PDZRN4: variants seen among roughly 807,000 people sequenced by gnomAD.
PDZRN4 encodes PDZ domain containing ring finger 4.
A neutral mutation model predicts 99.0 loss-of-function variants in PDZRN4; 70 were observed. The ratio of observed to expected loss-of-function variants is 0.71; its 90% CI spans 0.58 to 0.86. The LOEUF is 0.86. PDZRN4 is among the 40% of genes least tolerant of loss of function. The pLI is 0.00. For synonymous variants in PDZRN4, 551 were observed against 501.6 expected (o/e 1.10, Z -1.32); for missense variants, 1,474 against 1,331.2 (o/e 1.11, Z -1.67).
chr12:41,547,409 T>G (rs1938974111), intron 5 of PDZRN4, among the ~76,000 whole-genome samples: 1 of 152,116 alleles, frequency 6.6e-6, no homozygotes. Flanking sequence ...GCAGATCACT[T>G]GAGGTCAGGA....
At position 41,573,944 on chromosome 12, in the gene PDZRN4, T is replaced by A. The variant is rs1939533586; in HGVS notation, c.*54T>A. Reference sequence around the variant, plus strand: ...TTTAGGAGGATGCTACCAGTTTCGGTAGAGTATGATTGCCTCGTTCAATGT... The same window carrying A: ...TTTAGGAGGATGCTACCAGTTTCGGAAGAGTATGATTGCCTCGTTCAATGT... On this transcript the variant is annotated 3_prime_UTR_variant, in exon 10 of 10. Coordinates refer to ENST00000402685, the MANE Select transcript of PDZRN4 (RefSeq NM_001164595.2). 7.8e-7 allele frequency: 1 copy of A among 1,275,582 alleles called. No individual in the cohort carries two copies. The highest frequency in any genetic ancestry group is 1.7e-5 in the South Asian group (1 of 59,514). The allele number at this position is 1,275,582 out of a possible 1,614,324, so 79.0% of individuals were successfully genotyped here.
At chr12:41,434,706 A>T (rs1400370443) in intron 3 of PDZRN4, among the ~76,000 whole-genome samples, 1 of 152,234 alleles carries the variant, frequency 6.6e-6, no homozygotes, top group Non-Finnish European at 1.5e-5. Context: ...AAAGGCATTT[A>T]AAATAAGTAA....
At chr12:41,361,098 T>C (rs1951961155) in intron 3 of PDZRN4, among the ~76,000 whole-genome samples, 1 of 152,052 alleles carries the variant, frequency 6.6e-6, no homozygotes. Flanking sequence ...TGGATTTCCT[T>C]ATTTAGTGTG....
At chr12:41,397,486 T>G (rs1405428550) in intron 3 of PDZRN4, among the ~76,000 whole-genome samples, 1 of 152,176 alleles carries the variant, frequency 6.6e-6, no homozygotes, top group Non-Finnish European at 1.5e-5. Flanking sequence ...CTTATTAACT[T>G]GCACTAAATT....
intron 5 of PDZRN4, among the ~76,000 whole-genome samples, chr12:41,518,815 G>A (rs1479876765): frequency 2.6e-5 from 4 of 151,994 alleles, no homozygotes; most frequent in Admixed American, 2.6e-4. Flanking sequence ...TGGGCATGGT[G>A]GCATGCATCT....
intron 3 of PDZRN4, among the ~76,000 whole-genome samples, chr12:41,256,116 C>G (rs1951203143): frequency 1.3e-5 from 2 of 152,098 alleles, no homozygotes; most frequent in South Asian, 2.1e-4. Flanking sequence ...AATGCATTGA[C>G]AGGCAAATGT....
At chr12:41,405,195 A>G (rs1225687091) in intron 3 of PDZRN4, among the ~76,000 whole-genome samples, 1 of 152,168 alleles carries the variant, frequency 6.6e-6, no homozygotes, top group Non-Finnish European at 1.5e-5. Context: ...AATATTCACA[A>G]ACTATGCATC....
rs1046418818 is a variant in PDZRN4, at chr12:41,189,053, A to G, written c.598A>G (p.Met200Val). ...RRYQEKFTQY[M>V]AHVRNFVGDL... is the part of the protein sequence containing the mutation. The stretch of plus-strand genomic sequence containing the variant: ...GTACCAGGAGAAGTTCACCCAATAC[A>G]TGGCTCACGTCCGCAACTTCGTCGG... Residue 200 changes from methionine (M) to valine (V), a missense_variant, in exon 1 of 10, where the codon ATG becomes GTG. Transcript: ENST00000402685. 3.2e-6 allele frequency: 5 copies of G among 1,577,714 alleles called. No homozygotes were observed. The highest frequency in any genetic ancestry group is 1.3e-5 in the African/African-American group (1 of 74,352).
chr12:41,440,742 C>T (rs1315089655), intron 3 of PDZRN4, among the ~76,000 whole-genome samples: 2 of 152,152 alleles, frequency 1.3e-5, no homozygotes, highest in African/African-American at 4.8e-5. Context: ...GGTTTCCATG[C>T]ATCTTTATGC....
At chr12:41,275,614 T>A (rs115608930) in intron 3 of PDZRN4, among the ~76,000 whole-genome samples, 382 of 152,196 alleles carry the variant, frequency 2.5e-3, no homozygotes, top group African/African-American at 8.9e-3. Context: ...TTGGTGTAAT[T>A]TTTATTTATC....
chr12:41,358,439 G>A (rs1229714805), intron 3 of PDZRN4, among the ~76,000 whole-genome samples: 2 of 151,912 alleles, frequency 1.3e-5, no homozygotes, highest in African/African-American at 4.8e-5. Context: ...AATTTTCAAT[G>A]TGTCAAGAAA....
intron 3 of PDZRN4, among the ~76,000 whole-genome samples, chr12:41,469,786 C>T (rs2730826): frequency 0.18 from 27,034 of 151,850 alleles, 2,589 homozygotes; most frequent in Non-Finnish European, 0.21. Flanking sequence ...AAAAATTAGC[C>T]GGGCGTGGTG....
At chr12:41,405,737 T>C (rs1952342831) in intron 3 of PDZRN4, among the ~76,000 whole-genome samples, 1 of 152,150 alleles carries the variant, frequency 6.6e-6, no homozygotes, top group South Asian at 2.1e-4. Flanking sequence ...GAAAATGTGG[T>C]ACCTATACAC....
At chr12:41,565,546 C>T (rs1340857522) in intron 8 of PDZRN4, among the ~76,000 whole-genome samples, 3 of 146,022 alleles carry the variant, frequency 2.1e-5, no homozygotes, top group Non-Finnish European at 3.0e-5. Context: ...GTATTTTATT[C>T]GGGGAGAATG....
chr12:41,352,879 G>T (rs1951901688), intron 3 of PDZRN4, among the ~76,000 whole-genome samples: 1 of 152,058 alleles, frequency 6.6e-6, no homozygotes, highest in Non-Finnish European at 1.5e-5. Flanking sequence ...ATGTGAAAAG[G>T]TAGCTAACAG....
chr12:41,399,936 G>C (rs1952277846), intron 3 of PDZRN4, among the ~76,000 whole-genome samples: 1 of 151,888 alleles, frequency 6.6e-6, no homozygotes, highest in Non-Finnish European at 1.5e-5. Flanking sequence ...TTCTGCAAAG[G>C]GCACAGTAAA....
At chr12:41,388,918 G>A (rs556165621) in intron 3 of PDZRN4, among the ~76,000 whole-genome samples, 3 of 152,162 alleles carry the variant, frequency 2.0e-5, no homozygotes, top group South Asian at 2.1e-4. Context: ...TCTTCTTCAT[G>A]TATACTCATG....
At chr12:41,227,093 A>G (rs1197799268) in intron 3 of PDZRN4, among the ~76,000 whole-genome samples, 2 of 152,296 alleles carry the variant, frequency 1.3e-5, no homozygotes, top group Non-Finnish European at 1.5e-5. Context: ...CATATTTAGA[A>G]TAATAGCCAG....
At chr12:41,336,785 G>A (rs552961780) in intron 3 of PDZRN4, among the ~76,000 whole-genome samples, 2 of 152,004 alleles carry the variant, frequency 1.3e-5, no homozygotes, top group South Asian at 4.2e-4. Context: ...CATGGGGGTC[G>A]CTGTGAGTTT....
Sources: gnomAD v4.1 joint callset for allele counts (sites outside exome capture counted in the v4.1 genomes callset) on GRCh38, gnomAD v4.1.1 for gene constraint, MANE v1.5 for transcripts, NCBI Gene and HGNC (gene_info 2026-07-23, HGNC 2026-07-21) for gene names.